IFNL1: variants seen among roughly 807,000 people sequenced by gnomAD.
IFNL1 encodes the protein interferon lambda-1.
In IFNL1, 16 loss-of-function variants were observed where a neutral mutation model predicts 17.1. The observed-to-expected ratio is 0.93, with a 90% CI of 0.63 to 1.42. IFNL1 has a LOEUF of 1.42. IFNL1 is among the 40% of genes most tolerant of loss of function. The probability of loss-of-function intolerance (pLI) is 0.00; values close to 1 mark genes in which losing one functional copy is unlikely to be tolerated. For synonymous variants in IFNL1, 104 were observed against 111.4 expected, an observed-to-expected ratio of 0.93 and a Z score of 0.42; for missense variants, 262 against 249.4, an observed-to-expected ratio of 1.05 and a Z score of -0.34.
At position 39,298,384 on chromosome 19, in the gene IFNL1, C is replaced by CT; in HGVS notation, c.478-7_478-6insT. 6.2e-7 allele frequency: 1 copy of CT among 1,614,220 alleles called. No individual in the cohort carries two copies. Among genetic ancestry groups the CT allele is most frequent in the Non-Finnish European group, 8.5e-7 (1 of 1,180,036 alleles). On this transcript the variant is annotated splice_polypyrimidine_tract_variant and splice_region_variant and intron_variant, in intron 4 of 4. Transcript: ENST00000333625. ...CAGCCCCTGACCCATCCCCTCCTCC[C>CT]CTACAGGAGTCCGCTGGCTGCCTGG...
rs1382881171 is a variant in IFNL1, at chr19:39,296,971, G to A, written c.249+89G>A. ...CCCCTTAGCCTTCTTTGTTTCCCTT[G>A]TCCTTCACTCTCTTGGACCTCTCCT... On this transcript the variant is annotated intron_variant, in intron 2 of 4. Coordinates refer to ENST00000333625, the MANE Select transcript of IFNL1 (RefSeq NM_172140.2). The A allele has an allele frequency of 3.1e-6, 3 of 959,898 alleles. No individual in the cohort carries two copies. The African/African-American group carries it at 4.8e-5, about 15-fold the overall frequency. The allele number at this position is 959,898 out of a possible 1,614,324, so 59.5% of individuals were successfully genotyped here.
At position 39,297,973 on chromosome 19, in the gene IFNL1, C is replaced by A; in HGVS notation, c.259C>A (p.Arg87Ser). Reference protein sequence around the residue: ...WDLRLLQVRERPVALEAELAL... With the variant: ...WDLRLLQVRESPVALEAELAL... ...TCTCACCTCTCCTCAGGTGAGGGAG[C>A]GCCCTGTGGCCTTGGAGGCTGAGCT... The change falls in exon 3 of 5, where the codon CGC (arginine) becomes AGC (serine). Residue 87 changes from arginine to serine, a missense_variant. Arg to Ser is a moderately radical substitution (Grantham distance 110, BLOSUM62 -1). Transcript: ENST00000333625. 6.2e-7 allele frequency: 1 copy of A among 1,614,126 alleles called. No homozygotes were observed. The highest frequency in any genetic ancestry group is 8.5e-7 in the Non-Finnish European group (1 of 1,180,026).
chr19:39,296,932 CT>C, intron 2 of IFNL1, 50 bp downstream of exon 2: 1 of 1,432,198 alleles, frequency 7.0e-7, no homozygotes, highest in Non-Finnish European at 9.8e-7. Context: ...CCTCTCCCCC[CT>C]CTTCTTAAGT....
chr19:39,298,435 C>T lies in IFNL1; in HGVS notation c.522C>T (p.Phe174=), dbSNP rs2075107571. The change falls in exon 5 of 5, where the codon TTC becomes TTT. Residue 174 remains phenylalanine (F), a synonymous_variant. Coordinates refer to ENST00000333625, the MANE Select transcript of IFNL1 (RefSeq NM_172140.2). ...CLEASVTFNL[F]RLLTRDLKYV... The stretch of plus-strand genomic sequence containing the variant: ...AGGCATCTGTCACCTTCAACCTCTT[C>T]CGCCTCCTCACGCGAGACCTCAAAT... 1 of 1,614,104 alleles carries T rather than the reference C, an allele frequency of 6.2e-7. No homozygotes were observed. The highest frequency in any genetic ancestry group is 1.3e-5 in the African/African-American group (1 of 74,934).
chr19:39,298,370 C>A (rs778156048), intron 4 of IFNL1, 21 bp from the exon 5 acceptor site: 1 of 1,614,196 alleles, frequency 6.2e-7, no homozygotes, highest in East Asian at 2.2e-5. Flanking sequence ...AGCCCCTGAC[C>A]CATCCCCTCC....
intron 2 of IFNL1, 135 bp from the exon 3 acceptor site, chr19:39,297,829 C>T (rs1289662909): frequency 4.6e-6 from 5 of 1,087,772 alleles, no homozygotes; most frequent in Non-Finnish European, 6.7e-6. Flanking sequence ...CTCCTGTCTC[C>T]TTCTCCCCAG....
chr19:39,296,921 C>A, intron 2 of IFNL1, 39 bp downstream of exon 2: 2 of 1,454,642 alleles, frequency 1.4e-6, no homozygotes, highest in Non-Finnish European at 1.9e-6. Context: ...CTTCCCTTGA[C>A]CCTCTCCCCC....
chr19:39,298,186 T>C (rs201128199), intron 3 of IFNL1, 27 bp from the exon 4 acceptor site: 390 of 1,613,738 alleles, frequency 2.4e-4, no homozygotes, highest in Non-Finnish European at 3.2e-4. Flanking sequence ...AGGCTCCGCC[T>C]CACACACCGC....
chr19:39,296,856 G>A lies in IFNL1; in HGVS notation c.223G>A (p.Gly75Arg), dbSNP rs185252878. 1.1e-4 allele frequency: 185 copies of A among 1,614,008 alleles called. No individual in the cohort carries two copies. The East Asian group carries it at 3.7e-3, about 32-fold the overall frequency. The change falls in exon 2 of 5, where the codon GGG (glycine) becomes AGG (arginine). Residue 75 changes from glycine to arginine, a missense_variant. Gly to Arg is a moderately radical substitution (Grantham distance 125). Transcript: ENST00000333625. ...GAGTTGCAGCTCTCCTGTCTTCCCCGGGAATTGGGACCTGAGGCTTCTCCA... is the reference window on the plus strand; with the variant it reads ...GAGTTGCAGCTCTCCTGTCTTCCCCAGGAATTGGGACCTGAGGCTTCTCCA... ...NWSCSSPVFP[G>R]NWDLRLLQVR...
At position 39,298,665 on chromosome 19, in the gene IFNL1, G is replaced by A; in HGVS notation, c.*149G>A. 1 of 981,652 alleles carries A rather than the reference G, an allele frequency of 1.0e-6. No homozygotes were observed. Among genetic ancestry groups the A allele is most frequent in the Non-Finnish European group, 1.5e-6 (1 of 655,146 alleles). The allele number at this position is 981,652 out of a possible 1,614,324, so 60.8% of individuals were successfully genotyped here. ...ACATTATGCACAAATAAACAACAAG[G>A]AATTGGAACCTTCTGTGATAGGTGA... On this transcript the variant is annotated 3_prime_UTR_variant, in exon 5 of 5. Coordinates refer to ENST00000333625, the MANE Select transcript of IFNL1 (RefSeq NM_172140.2).
intron 2 of IFNL1, among the ~76,000 whole-genome samples, chr19:39,297,312 T>C (rs1001882774): frequency 7.8e-5 from 5 of 64,458 alleles, no homozygotes; most frequent in African/African-American, 5.5e-4. Flanking sequence ...ACCCTTCTCT[T>C]TTTTTTTTTT....
In IFNL1 at chr19:39,298,269, G is replaced by T. The variant is rs2075106665; in HGVS notation, c.450G>T (p.Leu150=). ...CCCGGGGCCGCCTCCACCACTGGCT[G>T]CACCGGCTCCAGGAGGCCCCCAAAA... ...PRPRGRLHHW[L]HRLQEAPKKE... is the part of the protein sequence containing the mutation. The change falls in exon 4 of 5, where the codon CTG becomes CTT. Residue 150 remains leucine (L), a synonymous_variant. Coordinates refer to ENST00000333625, the MANE Select transcript of IFNL1 (RefSeq NM_172140.2). The T allele has an allele frequency of 1.2e-6, 2 of 1,614,030 alleles. No individual in the cohort carries two copies. The highest frequency in any genetic ancestry group is 2.7e-5 in the African/African-American group (2 of 74,938).
chr19:39,298,548 A>G lies in IFNL1; in HGVS notation c.*32A>G. ...ACACCTTATTTATGCGCTGAGCCCTACTCCTTCCTTAATTTATTTCCTCTC... is the reference window on the plus strand; with the variant it reads ...ACACCTTATTTATGCGCTGAGCCCTGCTCCTTCCTTAATTTATTTCCTCTC... On this transcript the variant is annotated 3_prime_UTR_variant, in exon 5 of 5. Coordinates refer to ENST00000333625, the MANE Select transcript of IFNL1 (RefSeq NM_172140.2). 1 of 1,609,616 alleles carries G rather than the reference A, an allele frequency of 6.2e-7. No homozygotes were observed. Among genetic ancestry groups the G allele is most frequent in the Non-Finnish European group, 8.5e-7 (1 of 1,176,994 alleles).
chr19:39,297,932 T>C (rs2075105072), intron 2 of IFNL1, 32 bp from the exon 3 acceptor site: 2 of 1,613,462 alleles, frequency 1.2e-6, no homozygotes, highest in African/African-American at 1.3e-5. Flanking sequence ...TTGCCTGTTC[T>C]CCCTCACCTG....
intron 2 of IFNL1, among the ~76,000 whole-genome samples, chr19:39,297,316 T>C (rs1157039157): frequency 2.8e-4 from 32 of 115,506 alleles, no homozygotes; most frequent in African/African-American, 1.4e-3. Context: ...TTCTCTTTTT[T>C]TTTTTTTTTT....
At position 39,296,883 on chromosome 19, in the gene IFNL1, G is replaced by C. The variant is rs1255376858; in HGVS notation, c.249+1G>C. The stretch of plus-strand genomic sequence containing the variant: ...GAATTGGGACCTGAGGCTTCTCCAG[G>C]TGAGCTGAAAGTCAGGCCCCCTTCA... On this transcript the variant is annotated splice_donor_variant, in intron 2 of 4. Coordinates refer to ENST00000333625, the MANE Select transcript of IFNL1 (RefSeq NM_172140.2). LOFTEE classifies it high-confidence loss of function. 1.2e-6 allele frequency: 2 copies of C among 1,613,290 alleles called. No homozygotes were observed. Among genetic ancestry groups the C allele is most frequent in the Non-Finnish European group, 1.7e-6 (2 of 1,179,308 alleles).
At position 39,298,034 on chromosome 19, in the gene IFNL1, G is replaced by A; in HGVS notation, c.320G>A (p.Gly107Asp). Residue 107 changes from glycine to aspartate, a missense_variant, in exon 3 of 5, where the codon GGC becomes GAC. Gly to Asp is a moderately conservative substitution (Grantham distance 94). Transcript: ENST00000333625. ...CTGAAGGTCCTGGAGGCCGCTGCTG[G>A]CCCAGCCCTGGAGGACGTCCTAGAC... ...LTLKVLEAAA[G>D]PALEDVLDQP... The A allele has an allele frequency of 1.2e-6, 2 of 1,614,156 alleles. No individual in the cohort carries two copies. Among genetic ancestry groups the A allele is most frequent in the Non-Finnish European group, 1.7e-6 (2 of 1,180,028 alleles).
rs142816026 is a variant in IFNL1 at position 39,298,246 on chromosome 19, C to T, written c.427C>T (p.Arg143Trp). 25 of 1,613,966 alleles carry T rather than the reference C, an allele frequency of 1.5e-5. No homozygotes were observed. The highest frequency in any genetic ancestry group is 3.3e-4 in the Middle Eastern group (2 of 6,056). ...QPQPTAGPRP[R>W]GRLHHWLHRL... ...TCAGCCCACAGCAGGGCCCAGGCCC[C>T]GGGGCCGCCTCCACCACTGGCTGCA... Residue 143 changes from arginine (R) to tryptophan (W), a missense_variant, in exon 4 of 5, where the codon CGG becomes TGG. Coordinates refer to ENST00000333625, the MANE Select transcript of IFNL1 (RefSeq NM_172140.2).
rs1206144350 is a variant in IFNL1, at chr19:39,298,285, GC to G, written c.471del (p.Lys159ArgfsTer33). ...LHHWLHRLQE[A>X]PKKESAGCLE... ...CCACTGGCTGCACCGGCTCCAGGAG[GC>G]CCCCAAAAAGGTGAGTGACCCAGGA... On this transcript the variant is annotated frameshift_variant, in exon 4 of 5. Coordinates refer to ENST00000333625, the MANE Select transcript of IFNL1 (RefSeq NM_172140.2). LOFTEE classifies it low-confidence loss of function (END_TRUNC). 3 of 1,614,014 alleles carry G rather than the reference GC, an allele frequency of 1.9e-6. No homozygotes were observed. The highest frequency in any genetic ancestry group is 2.5e-6 in the Non-Finnish European group (3 of 1,180,010).
Sources: allele counts gnomAD v4.1 joint callset (sites outside exome capture counted in the v4.1 genomes callset), GRCh38; gene constraint gnomAD v4.1.1; transcripts MANE v1.5; gene names NCBI Gene and HGNC (gene_info 2026-07-23, HGNC 2026-07-21).